Variants in TBC1D19 observed in about 807,000 individuals in gnomAD.
TBC1D19 encodes TBC1 domain family, member 19.
Under a neutral mutation model 89.0 loss-of-function variants are expected in TBC1D19, and 60 were observed. The ratio of observed to expected loss-of-function variants is 0.67; its 90% CI spans 0.55 to 0.84. The LOEUF is 0.84. TBC1D19 is among the 40% of genes least tolerant of loss of function. The pLI is 0.00. For synonymous variants in TBC1D19, 189 were observed against 199.7 expected (o/e 0.95, Z 0.45); for missense variants, 500 against 610.8 (o/e 0.82, Z 1.91).
At chr4:26,629,635 GTAA>G (rs1391902428) in intron 4 of TBC1D19, among the ~76,000 whole-genome samples, 2 of 151,922 alleles carry the variant, frequency 1.3e-5, no homozygotes, top group Non-Finnish European at 2.9e-5. Context: ...ACTTATGTTC[GTAA>G]TAATAGTAAA....
At chr4:26,837,776 G>A in the TBC1D19 span, among the ~76,000 whole-genome samples, 5,232 of 152,230 alleles carry the variant, frequency 0.034, 112 homozygotes, top group Middle Eastern at 0.048. Context: ...CATGTGGGGT[G>A]CGGGTGAGTC....
chr4:26,600,603 T>C (rs571085080), intron 1 of TBC1D19, among the ~76,000 whole-genome samples: 5 of 152,046 alleles, frequency 3.3e-5, no homozygotes, highest in Non-Finnish European at 7.4e-5. Flanking sequence ...AGGCATAGAG[T>C]ATACCACGAA....
the TBC1D19 span, among the ~76,000 whole-genome samples, chr4:26,813,535 C>A: frequency 2.0e-5 from 3 of 152,224 alleles, no homozygotes; most frequent in African/African-American, 7.2e-5. Flanking sequence ...CTGGGGTGTG[C>A]TACATAATAT....
At chr4:26,823,220 G>T in the TBC1D19 span, among the ~76,000 whole-genome samples, 13,722 of 152,116 alleles carry the variant, frequency 0.09, 795 homozygotes, top group East Asian at 0.2. Context: ...ATCAGATCTC[G>T]TGAAACTTAT....
chr4:26,705,117 G>GT lies in TBC1D19; in HGVS notation c.955-12807dup, dbSNP rs561726223. Among the ~76,000 whole-genome samples, 160 of 128,672 alleles carry GT rather than the reference G, an allele frequency of 1.2e-3. 1 individual carries two copies. The highest frequency in any genetic ancestry group is 6.0e-3 in the Admixed American group (79 of 13,186). 84.4% of individuals were successfully genotyped at this position (128,672 alleles called of 152,430 possible). On this transcript the variant is annotated intron_variant, in intron 13 of 20. Transcript: ENST00000264866. ...CCTTTGGCCATTTTTGGATCAACTT[G>GT]TTTTTTTTTGTTGTTGTTGTTGTTA... is the stretch of plus-strand genomic sequence containing the variant.
chr4:26,758,539 A>G (rs1257179404), downstream of TBC1D19, among the ~76,000 whole-genome samples: 1 of 152,192 alleles, frequency 6.6e-6, no homozygotes, highest in African/African-American at 2.4e-5. Context: ...CTTCAGGACC[A>G]GTGCAAAATC....
chr4:26,851,879 C>T, the TBC1D19 span, among the ~76,000 whole-genome samples: 1 of 152,214 alleles, frequency 6.6e-6, no homozygotes, highest in African/African-American at 2.4e-5. Context: ...CCACGCTCAG[C>T]TATCAAGTTC....
At chr4:26,800,834 G>C in the TBC1D19 span, among the ~76,000 whole-genome samples, 1 of 149,790 alleles carries the variant, frequency 6.7e-6, no homozygotes, top group African/African-American at 2.4e-5. Context: ...CATATCCTTC[G>C]CCCACTTTTT....
At chr4:26,716,044 C>T (rs1224660907) in intron 13 of TBC1D19, among the ~76,000 whole-genome samples, 2 of 152,140 alleles carry the variant, frequency 1.3e-5, no homozygotes, top group Non-Finnish European at 2.9e-5. Flanking sequence ...GTCACCCACT[C>T]TTTCTCTGTT....
chr4:26,737,208 G>T (rs1195093879), intron 16 of TBC1D19, among the ~76,000 whole-genome samples: 1 of 152,050 alleles, frequency 6.6e-6, no homozygotes, highest in Non-Finnish European at 1.5e-5. Context: ...TCACAGGCTT[G>T]AATTATAGGG....
Position 26,584,144 on chromosome 4 carries a change from C to G in TBC1D19, c.-50C>G, listed in dbSNP as rs911976149. 6.3e-7 allele frequency: 1 copy of G among 1,577,960 alleles called. No individual in the cohort carries two copies. Among genetic ancestry groups the G allele is most frequent in the South Asian group, 1.2e-5 (1 of 86,626 alleles). On this transcript the variant is annotated 5_prime_UTR_variant, in exon 1 of 21. Transcript: ENST00000264866. ...TGAGTGGGACCCGGTAGCCCGTTCG[C>G]TCCGCGCCGGCGGCCTGTCCCCGCG...
At chr4:26,836,818 T>C in the TBC1D19 span, among the ~76,000 whole-genome samples, 1 of 152,244 alleles carries the variant, frequency 6.6e-6, no homozygotes, top group Non-Finnish European at 1.5e-5. Flanking sequence ...AGTGTGAATG[T>C]AGGGACTTCA....
At chr4:26,730,011 T>C (rs965432612) in intron 15 of TBC1D19, among the ~76,000 whole-genome samples, 2 of 152,282 alleles carry the variant, frequency 1.3e-5, no homozygotes, top group Admixed American at 1.3e-4. Flanking sequence ...TAACTTGAGC[T>C]CTCTAATGTC....
At chr4:26,671,100 A>G (rs1712263592) in intron 9 of TBC1D19, among the ~76,000 whole-genome samples, 1 of 151,706 alleles carries the variant, frequency 6.6e-6, no homozygotes, top group African/African-American at 2.4e-5. Flanking sequence ...ACATATGTTC[A>G]GTGTTAGTAG....
intron 11 of TBC1D19, among the ~76,000 whole-genome samples, chr4:26,677,687 G>A (rs1174555958): frequency 1.3e-5 from 2 of 152,098 alleles, no homozygotes; most frequent in African/African-American, 4.8e-5. Flanking sequence ...GGAGGGACTA[G>A]GTGGAGATAA....
chr4:26,699,658 A>G (rs1215881737), intron 13 of TBC1D19, among the ~76,000 whole-genome samples: 1 of 152,198 alleles, frequency 6.6e-6, no homozygotes, highest in Non-Finnish European at 1.5e-5. Context: ...TGTGGCACAT[A>G]TACACCATGG....
the TBC1D19 span, among the ~76,000 whole-genome samples, chr4:26,824,114 C>T: frequency 5.3e-5 from 8 of 152,208 alleles, no homozygotes; most frequent in Non-Finnish European, 1.2e-4. Context: ...AGACAATTGG[C>T]TGGATTTGCT....
At chr4:26,697,119 A>G (rs1464644265) in intron 13 of TBC1D19, among the ~76,000 whole-genome samples, 1 of 152,208 alleles carries the variant, frequency 6.6e-6, no homozygotes, top group Non-Finnish European at 1.5e-5. Flanking sequence ...AGCAAGACTA[A>G]TAAAGAAGAA....
chr4:26,635,576 T>C (rs1347737745), intron 4 of TBC1D19, among the ~76,000 whole-genome samples: 1 of 152,152 alleles, frequency 6.6e-6, no homozygotes, highest in Non-Finnish European at 1.5e-5. Context: ...CATAGCTCGA[T>C]ATTTATTCTT....
Sources: allele counts gnomAD v4.1 joint callset (sites outside exome capture counted in the v4.1 genomes callset), GRCh38; gene constraint gnomAD v4.1.1; transcripts MANE v1.5; gene names NCBI Gene and HGNC (gene_info 2026-07-23, HGNC 2026-07-21).